Variants in ABCB1 observed in about 807,000 individuals in gnomAD.
ABCB1 encodes the protein ATP binding cassette subfamily B member 1, also known as ATP-dependent translocase ABCB1.
Under a neutral mutation model 142.0 loss-of-function variants are expected in ABCB1, and 69 were observed. The ratio of observed to expected loss-of-function variants is 0.49; its 90% CI spans 0.40 to 0.59. The LOEUF (loss-of-function observed/expected upper bound fraction) is 0.59, where lower values mean the gene tolerates loss of function less well. Ranked by LOEUF, ABCB1 falls within the 20% of genes least tolerant of loss-of-function variation. The pLI is 0.00. For synonymous variants in ABCB1, 532 were observed against 539.2 expected (o/e 0.99, Z 0.18); for missense variants, 1,326 against 1,554.7 (o/e 0.85, Z 2.47).
At chr7:87,566,523 C>T (rs1199603046) in intron 6 of ABCB1, among the ~76,000 whole-genome samples, 1 of 152,174 alleles carries the variant, frequency 6.6e-6, no homozygotes, top group African/African-American at 2.4e-5. Flanking sequence ...TTGTTTTGCT[C>T]TACTGCACAT....
At chr7:87,521,065 G>C in intron 21 of ABCB1, 189 bp from the exon 22 acceptor site, 1 of 580,594 alleles carries the variant, frequency 1.7e-6, no homozygotes. Context: ...AAGGAAGATT[G>C]ACTAATTCAA....
chr7:87,574,247 G>A (rs563116674), intron 4 of ABCB1, among the ~76,000 whole-genome samples: 1 of 151,410 alleles, frequency 6.6e-6, no homozygotes, highest in African/African-American at 2.5e-5. Context: ...TTCTAAGAGA[G>A]GAGGACGAGA....
intron 8 of ABCB1, among the ~76,000 whole-genome samples, chr7:87,558,300 G>A (rs1817392762): frequency 6.6e-6 from 1 of 152,148 alleles, no homozygotes; most frequent in South Asian, 2.1e-4. Flanking sequence ...AGAGATGATG[G>A]ATTCATTCTG....
chr7:87,563,402 A>G (rs1280612608), intron 7 of ABCB1: 3 of 454,930 alleles, frequency 6.6e-6, no homozygotes, highest in Non-Finnish European at 1.3e-5. Flanking sequence ...CAAATATGAT[A>G]CAAATATCCT....
At chr7:87,545,706 G>GA (rs1034262167) in intron 15 of ABCB1, among the ~76,000 whole-genome samples, 157 bp downstream of exon 15, 3 of 151,938 alleles carry the variant, frequency 2.0e-5, no homozygotes, top group Admixed American at 6.6e-5. Context: ...TTTCAAGAGA[G>GA]AAAAAAAATC....
At chr7:87,644,454 G>A (rs1035359470) in intron 1 of ABCB1, among the ~76,000 whole-genome samples, 8 of 152,150 alleles carry the variant, frequency 5.3e-5, no homozygotes, top group African/African-American at 1.9e-4. Flanking sequence ...TTGAAATAGT[G>A]GAGAGTTCTC....
At chr7:87,619,211 A>G (rs1269767972) in intron 1 of ABCB1, among the ~76,000 whole-genome samples, 1 of 152,198 alleles carries the variant, frequency 6.6e-6, no homozygotes, top group African/African-American at 2.4e-5. Context: ...TATTAACCTC[A>G]CTATCAAGGT....
intron 3 of ABCB1, among the ~76,000 whole-genome samples, chr7:87,588,696 C>T (rs1272364826): frequency 6.6e-6 from 1 of 152,312 alleles, no homozygotes; most frequent in Non-Finnish European, 1.5e-5. Flanking sequence ...GGTATACACC[C>T]AGTAATAGGT....
At chr7:87,559,632 T>C (rs1450873227) in intron 8 of ABCB1, among the ~76,000 whole-genome samples, 2 of 152,320 alleles carry the variant, frequency 1.3e-5, no homozygotes, top group East Asian at 3.9e-4. Flanking sequence ...TTCTTTAATT[T>C]TCAATAATTT....
intron 1 of ABCB1, among the ~76,000 whole-genome samples, chr7:87,685,876 C>T (rs917108519): frequency 1.3e-5 from 2 of 152,076 alleles, no homozygotes; most frequent in African/African-American, 4.8e-5. Flanking sequence ...GGGGAGGATC[C>T]CACTTTCGAT....
intron 1 of ABCB1, among the ~76,000 whole-genome samples, chr7:87,671,355 A>G (rs1418501198): frequency 6.6e-6 from 1 of 152,064 alleles, no homozygotes; most frequent in Admixed American, 6.5e-5. Context: ...CTGTCCAGGG[A>G]GTTGCCAAGT....
chr7:87,521,859 G>T, intron 21 of ABCB1: 1 of 773,290 alleles, frequency 1.3e-6, no homozygotes, highest in South Asian at 1.3e-5. Context: ...AAATTGAAGT[G>T]ATTGAAATCA....
At chr7:87,639,438 C>CT (rs1822206833) in intron 1 of ABCB1, among the ~76,000 whole-genome samples, 1 of 152,128 alleles carries the variant, frequency 6.6e-6, no homozygotes, top group African/African-American at 2.4e-5. Context: ...TTCATGTCCT[C>CT]TGTATTCTTA....
At chr7:87,629,840 C>T (rs545377567) in intron 1 of ABCB1, among the ~76,000 whole-genome samples, 1 of 150,620 alleles carries the variant, frequency 6.6e-6, no homozygotes, top group East Asian at 2.0e-4. Context: ...GCAGGAGAAT[C>T]GATTGAACCT....
intron 1 of ABCB1, among the ~76,000 whole-genome samples, chr7:87,699,789 T>C (rs867536162): frequency 3.9e-5 from 6 of 152,256 alleles, no homozygotes; most frequent in East Asian, 1.9e-4. Context: ...ATCTGAAAGA[T>C]TACAAGTTTT....
rs1336769851 is a variant in ABCB1 at position 87,708,412 on chromosome 7, C to A, written c.-331+4749G>T. Among the ~76,000 whole-genome samples, 3 of 151,936 alleles carry A rather than the reference C, an allele frequency of 2.0e-5. No homozygotes were observed. The South Asian group carries it at 6.2e-4, about 31-fold the overall frequency. ...AAAATTTAGAAGAAATGGGAAATTT[C>A]TTTTAAAAAATTACTCACCAAAACT... On this transcript the variant is annotated intron_variant, in intron 1 of 28. Coordinates refer to the ABCB1 transcript ENST00000265724.
chr7:87,503,179 T>C lies in ABCB1; in HGVS notation c.*1064A>G, dbSNP rs1814565491. 6.6e-6 allele frequency among the ~76,000 whole-genome samples: 1 copy of C among 152,004 alleles called. No homozygotes were observed. The highest frequency in any genetic ancestry group is 2.1e-4 in the South Asian group (1 of 4,834). ...TATATCCTTTCCTATTTTTTTTTCC[T>C]GGAGGTGATGGCTTCTTTTTTTTAT... On this transcript the variant is annotated 3_prime_UTR_variant, in exon 28 of 28. Transcript: ENST00000622132.
chr7:87,567,028 C>A, intron 5 of ABCB1, 52 bp from the exon 6 acceptor site: 1 of 1,561,508 alleles, frequency 6.4e-7, no homozygotes, highest in Non-Finnish European at 8.8e-7. Context: ...AATCAATGTA[C>A]CTTTTCCAAA....
chr7:87,655,438 A>T (rs943931399), intron 1 of ABCB1, among the ~76,000 whole-genome samples: 19 of 152,270 alleles, frequency 1.2e-4, no homozygotes, highest in Non-Finnish European at 1.0e-4. Flanking sequence ...ATGACCCAGG[A>T]GACATTATGT....
Sources: gnomAD v4.1 joint callset for allele counts (sites outside exome capture counted in the v4.1 genomes callset) on GRCh38, gnomAD v4.1.1 for gene constraint, MANE v1.5 for transcripts, NCBI Gene and HGNC (gene_info 2026-07-23, HGNC 2026-07-21) for gene names.